The following PDE6A variants were observed in gnomAD, a reference collection of about 807,000 sequenced individuals.
The protein encoded by PDE6A is rod cGMP-specific 3',5'-cyclic phosphodiesterase subunit alpha.
PDE6A carries 84 observed loss-of-function variants against 106.3 expected under a neutral mutation model. That is an observed-to-expected ratio of 0.79 (90% CI 0.66 to 0.95). PDE6A has a LOEUF of 0.95. Among genes scored for constraint, PDE6A ranks in the 40% least tolerant of loss-of-function variants. The probability of loss-of-function intolerance (pLI) is 0.00; values close to 1 mark genes in which losing one functional copy is unlikely to be tolerated. For synonymous variants in PDE6A, 394 were observed against 386.6 expected, an observed-to-expected ratio of 1.02 and a Z score of -0.23; for missense variants, 1,052 against 1,084.9, an observed-to-expected ratio of 0.97 and a Z score of 0.43.
At chr5:149,919,969 T>C (rs1017108331) in intron 5 of PDE6A, among the ~76,000 whole-genome samples, 6 of 152,144 alleles carry the variant, frequency 3.9e-5, no homozygotes, top group African/African-American at 1.2e-4. Context: ...ACAAAAGCTG[T>C]GTTTCCAAGT....
rs549203069 is a variant in PDE6A, at chr5:149,879,620, C to G, written c.2135+3809G>C. Among the ~76,000 whole-genome samples the G allele has an allele frequency of 3.8e-3, 527 of 137,658 alleles. 10 individuals are homozygous for G. Among genetic ancestry groups the G allele is most frequent in the African/African-American group, 0.014 (500 of 36,672 alleles). 90.3% of individuals were successfully genotyped at this position (137,658 alleles called of 152,430 possible). The stretch of plus-strand genomic sequence containing the variant: ...TCCCCAGAGTGTGATATTCCCCTTC[C>G]TGTGTCCATGTGATCTCATTGTTCA... On this transcript the variant is annotated intron_variant, in intron 17 of 21. Transcript: ENST00000255266.
intron 6 of PDE6A, among the ~76,000 whole-genome samples, chr5:149,911,895 T>C (rs1753400754): frequency 6.7e-6 from 1 of 148,900 alleles, no homozygotes; most frequent in Admixed American, 6.7e-5. Flanking sequence ...GGCTCACACC[T>C]GTAATCCCAG....
intron 17 of PDE6A, among the ~76,000 whole-genome samples, chr5:149,879,321 C>T (rs1002816809): frequency 5.9e-5 from 9 of 152,184 alleles, no homozygotes; most frequent in Non-Finnish European, 1.3e-4. Flanking sequence ...ATCCGCCTGC[C>T]TCAGCCTCCC....
intron 4 of PDE6A, among the ~76,000 whole-genome samples, chr5:149,923,835 A>G (rs1287180509): frequency 6.6e-6 from 1 of 152,170 alleles, no homozygotes; most frequent in East Asian, 1.9e-4. Flanking sequence ...TACAGGGACA[A>G]ACCGTGATCT....
rs1456254219 is a variant in PDE6A, at chr5:149,863,690, C to T, written c.2359-424G>A. ...CCAGGCTGGAGTGCAGTGGCACAAA[C>T]ATAGCTCACTGCAGCCTCAAACTCC... On this transcript the variant is annotated intron_variant, in intron 20 of 21. Coordinates refer to ENST00000255266, the MANE Select transcript of PDE6A (RefSeq NM_000440.3). The surrounding 1 kb of genome is among the most constrained non-coding windows in gnomAD (Gnocchi z 4.7). 6.6e-6 allele frequency among the ~76,000 whole-genome samples: 1 copy of T among 152,094 alleles called. No individual in the cohort carries two copies. The highest frequency in any genetic ancestry group is 2.4e-5 in the African/African-American group (1 of 41,408).
chr5:149,894,518 A>G (rs887838931), intron 13 of PDE6A, among the ~76,000 whole-genome samples: 2 of 152,140 alleles, frequency 1.3e-5, no homozygotes, highest in African/African-American at 4.8e-5. Flanking sequence ...TGCCAGGCTA[A>G]CTACAGAAAT....
At chr5:149,931,950 T>C (rs1581210044) in intron 3 of PDE6A, 6 of 1,109,018 alleles carry the variant, frequency 5.4e-6, no homozygotes, top group East Asian at 4.7e-5. Flanking sequence ...ACAAAGAAGT[T>C]TGCAAATCTT....
At chr5:149,914,889 T>G in intron 6 of PDE6A, 54 bp downstream of exon 6, 72 of 1,166,642 alleles carry the variant, frequency 6.2e-5, no homozygotes, top group Middle Eastern at 1.9e-4. Context: ...TAAAGCCAAT[T>G]GAGATCTTTA....
intron 8 of PDE6A, 23 bp downstream of exon 8, chr5:149,903,625 A>C (rs1753069418): frequency 1.3e-6 from 2 of 1,595,998 alleles, no homozygotes; most frequent in South Asian, 2.2e-5. Flanking sequence ...TATGACTAAG[A>C]CTGCAAATAA....
chr5:149,896,439 G>C lies in PDE6A; in HGVS notation c.1537C>G (p.Leu513Val), dbSNP rs774550431. The change falls in exon 12 of 22, where the codon CTA becomes GTA. Residue 513 changes from leucine (L) to valine (V), a missense_variant. By Grantham distance (32) the Leu-to-Val change is conservative. Around this residue, in one of 3 missense-constraint regions of PDE6A, gnomAD observed 913 missense variants for 915.2 expected, o/e 1.00. Coordinates refer to ENST00000255266, the MANE Select transcript of PDE6A (RefSeq NM_000440.3). ...INKFHFSDLP[L>V]TELELVKCGI... ...CATTTTACCAGCTCCAGTTCTGTTA[G>C]GGGTAAGTCACTGAAGTGAAATTTA... is the stretch of plus-strand genomic sequence containing the variant. 1 of 1,613,944 alleles carries C rather than the reference G, an allele frequency of 6.2e-7. No individual in the cohort carries two copies. Among genetic ancestry groups the C allele is most frequent in the South Asian group, 1.1e-5 (1 of 91,066 alleles).
At chr5:149,903,230 G>A (rs1753052433) in intron 8 of PDE6A, among the ~76,000 whole-genome samples, 1 of 148,636 alleles carries the variant, frequency 6.7e-6, no homozygotes, top group African/African-American at 2.5e-5. Context: ...TATATTTATT[G>A]AAATACAACT....
intron 4 of PDE6A, among the ~76,000 whole-genome samples, chr5:149,923,212 C>T (rs752308589): frequency 1.3e-5 from 2 of 151,986 alleles, no homozygotes; most frequent in Non-Finnish European, 2.9e-5. Flanking sequence ...CTAAAAGTGG[C>T]CAAGGTCGGG....
chr5:149,873,860 G>A (rs1282122135), intron 17 of PDE6A, among the ~76,000 whole-genome samples: 1 of 151,970 alleles, frequency 6.6e-6, no homozygotes, highest in African/African-American at 2.4e-5. Context: ...ATAATATCTT[G>A]ACCCTAGATT....
chr5:149,877,670 A>G (rs1191847143), intron 17 of PDE6A, among the ~76,000 whole-genome samples: 1 of 152,104 alleles, frequency 6.6e-6, no homozygotes, highest in Non-Finnish European at 1.5e-5. Flanking sequence ...TTGGCCTCCC[A>G]AAGGGCTGGG....
chr5:149,936,193 G>GGAAGGAAGGAAGGAAT (rs1754179445), intron 1 of PDE6A, among the ~76,000 whole-genome samples: 1 of 151,478 alleles, frequency 6.6e-6, no homozygotes, highest in African/African-American at 2.4e-5. Flanking sequence ...AAGGAAGGAA[G>GGAAGGAAGGAAGGAAT]GAAGGAAGGA....
chr5:149,923,587 A>G (rs1441717482), intron 4 of PDE6A, among the ~76,000 whole-genome samples: 2 of 151,472 alleles, frequency 1.3e-5, no homozygotes, highest in Admixed American at 6.6e-5. Context: ...ACAAACAACA[A>G]CACTAAATAA....
chr5:149,880,449 A>T (rs1760882411), intron 17 of PDE6A, among the ~76,000 whole-genome samples: 1 of 152,106 alleles, frequency 6.6e-6, no homozygotes, highest in South Asian at 2.1e-4. Flanking sequence ...GGTGGCTCAC[A>T]CCTGTAATCC....
At position 149,859,030 on chromosome 5, in the gene PDE6A, G is replaced by C. The variant is rs1760036709; in HGVS notation, c.*1865C>G. ...AGTAGAGATGGGGTTTCACCATGTT[G>C]GCCAGGCTGGTCTTGAACTCCTGAC... On this transcript the variant is annotated 3_prime_UTR_variant, in exon 22 of 22. Transcript: ENST00000255266. 6.6e-6 allele frequency: 1 copy of C among 151,830 alleles called. No homozygotes were observed. Among genetic ancestry groups the C allele is most frequent in the African/African-American group, 2.4e-5 (1 of 41,332 alleles). The allele number at this position is 151,830 out of a possible 1,614,324, so 9.4% of individuals were successfully genotyped here. A position where few individuals can be genotyped will look rare whatever the true frequency, so the allele number is the denominator to read the frequency against.
At chr5:149,939,300 G>A (rs1457912460) in intron 1 of PDE6A, among the ~76,000 whole-genome samples, 1 of 152,092 alleles carries the variant, frequency 6.6e-6, no homozygotes. Context: ...TTAGCACAGA[G>A]GCTCCAAAAA....
Sources: allele counts gnomAD v4.1 joint callset (sites outside exome capture counted in the v4.1 genomes callset), GRCh38; gene constraint gnomAD v4.1.1; regional missense constraint gnomAD v4.1.1; non-coding constraint Gnocchi (gnomAD v3.1); transcripts MANE v1.5; gene names NCBI Gene and HGNC (gene_info 2026-07-23, HGNC 2026-07-21).